Variants in PSMD1 observed in about 807,000 individuals in gnomAD.
PSMD1 encodes 26S proteasome non-ATPase regulatory subunit 1.
A neutral mutation model predicts 119.0 loss-of-function variants in PSMD1; 18 were observed. The ratio of observed to expected loss-of-function variants is 0.15; its 90% CI spans 0.10 to 0.22. PSMD1 has a LOEUF of 0.22. PSMD1 is among the 10% of genes least tolerant of loss of function. The pLI, the probability that PSMD1 is intolerant of heterozygous loss-of-function variation, is 1.00. For missense variants in PSMD1, 702 were observed against 1,158.5 expected, an observed-to-expected ratio of 0.61 and a Z score of 5.72; for synonymous variants, 374 against 396.6, an observed-to-expected ratio of 0.94 and a Z score of 0.68.
At chr2:231,094,490 G>A (rs2125186533) in intron 16 of PSMD1, among the ~76,000 whole-genome samples, 1 of 152,272 alleles carries the variant, frequency 6.6e-6, no homozygotes, top group East Asian at 1.9e-4. Flanking sequence ...CTTGAGGGCT[G>A]TTTCAAGGTT....
chr2:231,165,781 T>TTA, intron 22 of PSMD1, 90 bp from the exon 23 acceptor site: 1 of 1,181,482 alleles, frequency 8.5e-7, no homozygotes, highest in South Asian at 1.6e-5. Context: ...CTCTTGTACC[T>TTA]TATAGCTGCT....
chr2:231,127,558 T>C (rs773585809), intron 16 of PSMD1, among the ~76,000 whole-genome samples: 3 of 152,182 alleles, frequency 2.0e-5, no homozygotes, highest in Non-Finnish European at 4.4e-5. Context: ...TTTCGCCATG[T>C]TGACCAGGAT....
At chr2:231,123,841 T>A (rs1695643859) in intron 16 of PSMD1, 1 of 1,153,424 alleles carries the variant, frequency 8.7e-7, no homozygotes, top group Non-Finnish European at 1.3e-6. Flanking sequence ...CATCTGTTTT[T>A]TTAAGGCATT....
At chr2:231,139,314 CTTTTT>C (rs60709158) in intron 17 of PSMD1, among the ~76,000 whole-genome samples, 18 of 93,540 alleles carry the variant, frequency 1.9e-4, no homozygotes, top group African/African-American at 4.2e-4. Context: ...TTTTTTCTTT[CTTTTT>C]TTTTTTTTTT....
Position 231,079,648 on chromosome 2 carries a change from GA to G in PSMD1, c.1239+38del, listed in dbSNP as rs1282366460. 9 of 1,358,864 alleles carry G rather than the reference GA, an allele frequency of 6.6e-6. No individual in the cohort carries two copies. In the East Asian group the frequency reaches 7.2e-5, roughly 11 times the overall value. 84.2% of individuals were successfully genotyped at this position (1,358,864 alleles called of 1,614,324 possible). On this transcript the variant is annotated intron_variant, in intron 11 of 24. Coordinates refer to ENST00000308696, the MANE Select transcript of PSMD1 (RefSeq NM_002807.4). Reference sequence around the variant, plus strand: ...TATTGGTCAGTGTATACAGGCATCAGAAAAGAAGTAATTTTTCTGGGGTTAA... The same window carrying G: ...TATTGGTCAGTGTATACAGGCATCAGAAAGAAGTAATTTTTCTGGGGTTAA...
intron 23 of PSMD1, among the ~76,000 whole-genome samples, chr2:231,166,280 G>A (rs1030491549): frequency 3.9e-5 from 6 of 152,158 alleles, no homozygotes; most frequent in African/African-American, 7.2e-5. Flanking sequence ...AATTTGATTA[G>A]GAATATAGAC....
rs144387053 is a variant in PSMD1, at chr2:231,065,749, A to G, written c.305-1157A>G. On this transcript the variant is annotated intron_variant, in intron 4 of 24. Transcript: ENST00000308696. ...ATCAGGTGTGCTATTGATATCCTTC[A>G]GTATGTCACACCCTCCCCTCCATGC... 7.4e-3 allele frequency among the ~76,000 whole-genome samples: 1,125 copies of G among 152,340 alleles called. 23 individuals are homozygous for G. Among genetic ancestry groups the G allele is most frequent in the African/African-American group, 0.026 (1,074 of 41,564 alleles).
At chr2:231,140,627 C>T (rs187768379) in intron 17 of PSMD1, among the ~76,000 whole-genome samples, 6 of 152,054 alleles carry the variant, frequency 3.9e-5, no homozygotes, top group East Asian at 1.9e-4. Context: ...CCTGTAATCA[C>T]AGCACTTTGG....
intron 16 of PSMD1, among the ~76,000 whole-genome samples, chr2:231,102,803 G>T (rs1053555866): frequency 6.6e-6 from 1 of 152,080 alleles, no homozygotes; most frequent in East Asian, 1.9e-4. Context: ...GGCCCACACA[G>T]TTCAAGCCCA....
chr2:231,061,096 C>T (rs1218648597), intron 1 of PSMD1, among the ~76,000 whole-genome samples, 171 bp from the exon 2 acceptor site: 1 of 152,194 alleles, frequency 6.6e-6, no homozygotes, highest in Non-Finnish European at 1.5e-5. Context: ...ATAGTTAAGT[C>T]TTAAACTTGA....
chr2:231,141,194 C>G lies in PSMD1; in HGVS notation c.1998+2344C>G, dbSNP rs1294511577. Among the ~76,000 whole-genome samples the G allele has an allele frequency of 2.0e-5, 3 of 151,670 alleles. No individual in the cohort carries two copies. The East Asian group carries it at 5.9e-4, about 30-fold the overall frequency. Reference sequence around the variant, plus strand: ...TGGCAGGTGCCTGTAATCCCAGATACTCGGGAGGCTGAGGCAGAATTGCTT... The same window carrying G: ...TGGCAGGTGCCTGTAATCCCAGATAGTCGGGAGGCTGAGGCAGAATTGCTT... On this transcript the variant is annotated intron_variant, in intron 17 of 24. Coordinates refer to ENST00000308696, the MANE Select transcript of PSMD1 (RefSeq NM_002807.4).
intron 16 of PSMD1, among the ~76,000 whole-genome samples, chr2:231,124,625 T>C (rs1396137338): frequency 6.6e-6 from 1 of 152,202 alleles, no homozygotes; most frequent in Non-Finnish European, 1.5e-5. Context: ...TAATTGTGTT[T>C]AGTAATTTCA....
chr2:231,165,410 CAGCATGTAGAATCATCA>C, intron 22 of PSMD1, 124 bp downstream of exon 22: 1 of 1,193,284 alleles, frequency 8.4e-7, no homozygotes, highest in Non-Finnish European at 1.1e-6. Context: ...ATCCTGTTGC[CAGCATGTAGAATCATCA>C]AACTGTACTT....
intron 19 of PSMD1, among the ~76,000 whole-genome samples, chr2:231,160,206 T>A (rs943366039): frequency 1.2e-4 from 19 of 152,234 alleles, no homozygotes; most frequent in African/African-American, 4.6e-4. Context: ...TTAAGTTTTC[T>A]TTTGTAAGTG....
chr2:231,061,769 G>A (rs1693766141), intron 2 of PSMD1, among the ~76,000 whole-genome samples: 1 of 151,900 alleles, frequency 6.6e-6, no homozygotes, highest in Admixed American at 6.6e-5. Context: ...TCACTGTGTT[G>A]TCCAGGTTGA....
At chr2:231,168,270 G>C (rs943461613) in intron 23 of PSMD1, among the ~76,000 whole-genome samples, 1 of 152,154 alleles carries the variant, frequency 6.6e-6, no homozygotes, top group Non-Finnish European at 1.5e-5. Flanking sequence ...TCCTCAAAAA[G>C]TTAAATGTAG....
At chr2:231,138,626 A>G (rs1432120397) in intron 16 of PSMD1, 110 bp from the exon 17 acceptor site, 2 of 712,228 alleles carry the variant, frequency 2.8e-6, no homozygotes, top group Non-Finnish European at 4.9e-6. Context: ...TATGTTTTAA[A>G]TGCTCATTGT....
chr2:231,113,784 A>G (rs1695239105), intron 16 of PSMD1: 2 of 1,614,162 alleles, frequency 1.2e-6, no homozygotes, highest in Non-Finnish European at 1.7e-6. Context: ...CCCGTGAGTT[A>G]TATTGATTGG....
intron 3 of PSMD1, 88 bp from the exon 4 acceptor site, chr2:231,062,418 A>G (rs1413252114): frequency 6.5e-7 from 1 of 1,544,388 alleles, no homozygotes; most frequent in African/African-American, 1.4e-5. Flanking sequence ...ATTTGCTGTT[A>G]ACTGAATTGT....
Sources: gnomAD v4.1 joint callset for allele counts (sites outside exome capture counted in the v4.1 genomes callset) on GRCh38, gnomAD v4.1.1 for gene constraint, MANE v1.5 for transcripts, NCBI Gene and HGNC (gene_info 2026-07-23, HGNC 2026-07-21) for gene names.